Variants in LIMS2 observed in about 807,000 individuals in gnomAD.
LIMS2 encodes LIM zinc finger domain containing 2.
In LIMS2, 30 loss-of-function variants were observed where a neutral mutation model predicts 45.3. The ratio of observed to expected loss-of-function variants is 0.66; its 90% CI spans 0.50 to 0.90. The LOEUF (loss-of-function observed/expected upper bound fraction) is 0.90. Among genes scored for constraint, LIMS2 ranks in the 40% least tolerant of loss-of-function variants. LIMS2 has a pLI of 0.00. For missense variants in LIMS2, 485 were observed against 468.7 expected, an observed-to-expected ratio of 1.03 and a Z score of -0.32; for synonymous variants, 173 against 188.0, an observed-to-expected ratio of 0.92 and a Z score of 0.65.
chr2:127,650,542 T>G, intron 4 of LIMS2: 1 of 596,038 alleles, frequency 1.7e-6, no homozygotes, highest in East Asian at 2.8e-5. Context: ...AGAATGCCTC[T>G]GACGCTCACG....
Position 127,663,880 on chromosome 2 carries a change from G to T in LIMS2, c.12-6318C>A, listed in dbSNP as rs1270952357. Among the ~76,000 whole-genome samples the T allele has an allele frequency of 3.3e-5, 5 of 152,168 alleles. 1 individual carries two copies. The highest frequency in any genetic ancestry group is 4.1e-4 in the South Asian group (2 of 4,822). On this transcript the variant is annotated intron_variant, in intron 1 of 9. Coordinates refer to ENST00000355119, the MANE Select transcript of LIMS2 (RefSeq NM_001161403.3). Reference sequence around the variant, plus strand: ...CCAGAGCCAACTCATTCTCTGAGATGCCCTGAGGACCATCCTGAACCCCAC... The same window carrying T: ...CCAGAGCCAACTCATTCTCTGAGATTCCCTGAGGACCATCCTGAACCCCAC...
At chr2:127,658,879 C>T (rs1189606802) in intron 1 of LIMS2, among the ~76,000 whole-genome samples, 3 of 152,168 alleles carry the variant, frequency 2.0e-5, no homozygotes, top group Admixed American at 6.5e-5. Flanking sequence ...AATACCTCTC[C>T]GCCTGCTCTG....
At chr2:127,675,592 A>AC (rs898805836), upstream of LIMS2, among the ~76,000 whole-genome samples, 1 of 151,480 alleles carries the variant, frequency 6.6e-6, no homozygotes, top group Non-Finnish European at 1.5e-5. Context: ...GCGAACAAGC[A>AC]CCCCCACCCC....
intron 4 of LIMS2, chr2:127,648,189 AAGAAC>A: frequency 1.0e-6 from 1 of 985,428 alleles, no homozygotes; most frequent in Non-Finnish European, 1.2e-6. Flanking sequence ...ACATTGGACT[AAGAAC>A]AGACCCTGTT....
At chr2:127,679,833 GAGA>G (rs1685578423), upstream of LIMS2, among the ~76,000 whole-genome samples, 1 of 152,160 alleles carries the variant, frequency 6.6e-6, no homozygotes, top group South Asian at 2.1e-4. The surrounding 1 kb of genome is among the most constrained non-coding windows in gnomAD (Gnocchi z 5.3). Context: ...ACAGGGAATG[GAGA>G]AGGCCTTGCA....
At chr2:127,640,043 C>T in intron 9 of LIMS2, 27 bp downstream of exon 9, 1 of 1,610,010 alleles carries the variant, frequency 6.2e-7, no homozygotes, top group South Asian at 1.1e-5. Flanking sequence ...CCACCCTGAG[C>T]CCCATCCCAC....
chr2:127,639,367 G>T lies in LIMS2; in HGVS notation c.940C>A (p.Leu314Met), dbSNP rs1682159709. The change falls in exon 10 of 10, where the codon CTG becomes ATG. Residue 314 changes from leucine to methionine, a missense_variant. By Grantham distance (15) the Leu-to-Met change is conservative (BLOSUM62 2). Transcript: ENST00000355119. ...TTCTTCAGCCGCTTCTTCAGCTCCAGCGGGAACTTCTCGTAGCACCTCTTA... is the reference window on the plus strand; with the variant it reads ...TTCTTCAGCCGCTTCTTCAGCTCCATCGGGAACTTCTCGTAGCACCTCTTA... ...VCKRCYEKFPLELKKRLKKLS... is the reference protein window; with the variant it reads ...VCKRCYEKFPMELKKRLKKLS... 4 of 1,613,970 alleles carry T rather than the reference G, an allele frequency of 2.5e-6. No homozygotes were observed. Among genetic ancestry groups the T allele is most frequent in the South Asian group, 2.2e-5 (2 of 91,088 alleles).
intron 1 of LIMS2, among the ~76,000 whole-genome samples, chr2:127,666,093 G>A (rs1684984508): frequency 6.6e-6 from 1 of 152,064 alleles, no homozygotes; most frequent in South Asian, 2.1e-4. Context: ...ATGGGATTGG[G>A]AGCCACAGAT....
At chr2:127,640,492 C>A in intron 7 of LIMS2, 174 bp from the exon 8 acceptor site, 1 of 679,822 alleles carries the variant, frequency 1.5e-6, no homozygotes, top group South Asian at 1.8e-5. Context: ...TGAGAACCAC[C>A]CTTCCGGGAA....
In LIMS2 at chr2:127,671,160, GGTT is replaced by G. The variant is rs1685254193; in HGVS notation, c.11+3851_11+3853del. On this transcript the variant is annotated intron_variant, in intron 1 of 9. Transcript: ENST00000355119. The surrounding 1 kb of genome is among the most constrained non-coding windows in gnomAD (Gnocchi z 4.1). ...TTAAGCCTGCATGCAGGCTGGGCACGGTTGTTCACGCCTGTAATCACAGCACTT... is the reference window on the plus strand; with the variant it reads ...TTAAGCCTGCATGCAGGCTGGGCACGGTTCACGCCTGTAATCACAGCACTT... Among the ~76,000 whole-genome samples the G allele has an allele frequency of 1.3e-5, 2 of 152,282 alleles. No homozygotes were observed. Among genetic ancestry groups the G allele is most frequent in the South Asian group, 4.1e-4 (2 of 4,822 alleles).
chr2:127,674,434 A>T (rs1448462087), intron 1 of LIMS2: 1 of 174,148 alleles, frequency 5.7e-6, no homozygotes, highest in Non-Finnish European at 1.1e-5. Context: ...GTGAAATGGC[A>T]ACGAGGGGCC....
At chr2:127,641,059 G>GGGGACAACAGTGACCCC (rs1254735686) in intron 6 of LIMS2, 71 bp from the exon 7 acceptor site, 2 of 1,257,226 alleles carry the variant, frequency 1.6e-6, no homozygotes, top group Non-Finnish European at 2.3e-6. Flanking sequence ...GTGGTGACCC[G>GGGGACAACAGTGACCCC]GGGACAACAG....
chr2:127,661,934 T>C (rs796640843), intron 1 of LIMS2, among the ~76,000 whole-genome samples: 7 of 152,290 alleles, frequency 4.6e-5, no homozygotes, highest in African/African-American at 1.7e-4. Context: ...TTCTGTTTCT[T>C]CAACAACCCC....
intron 1 of LIMS2, among the ~76,000 whole-genome samples, chr2:127,657,774 G>A (rs994853789): frequency 6.6e-5 from 10 of 152,174 alleles, no homozygotes; most frequent in African/African-American, 2.2e-4. Flanking sequence ...CTCCCACTTG[G>A]GCCCCTATTA....
intron 1 of LIMS2, chr2:127,674,139 C>CTGT: frequency 5.9e-6 from 1 of 168,874 alleles, no homozygotes; most frequent in Non-Finnish European, 1.3e-5. Context: ...TGCCCTGTAC[C>CTGT]CTCCAAGCCC....
In LIMS2 at chr2:127,642,891, C is replaced by G; in HGVS notation, c.509+32G>C. 6.5e-7 allele frequency: 1 copy of G among 1,547,568 alleles called. No homozygotes were observed. Among genetic ancestry groups the G allele is most frequent in the South Asian group, 1.2e-5 (1 of 84,024 alleles). On this transcript the variant is annotated intron_variant, in intron 5 of 9. Transcript: ENST00000355119. This position sits in a 1 kb window ranked among gnomAD's most constrained non-coding sequence, Gnocchi z 5.3. ...CCTGGGCCAGCCCTGGCTCCCCGCCCCCACAACTGCAGGGCCGGGCTGCGC... is the reference window on the plus strand; with the variant it reads ...CCTGGGCCAGCCCTGGCTCCCCGCCGCCACAACTGCAGGGCCGGGCTGCGC...
In LIMS2 at chr2:127,671,032, C is replaced by A. The variant is rs1421008322; in HGVS notation, c.11+3982G>T. 2.0e-5 allele frequency among the ~76,000 whole-genome samples: 3 copies of A among 152,320 alleles called. No individual in the cohort carries two copies. On this transcript the variant is annotated intron_variant, in intron 1 of 9. Transcript: ENST00000355119. This position sits in a 1 kb window ranked among gnomAD's most constrained non-coding sequence, Gnocchi z 4.1. ...CTGCTAAGTCATCTAAGTAAATATT[C>A]ACCTTCAGAAATGTACACGCTACAC...
rs1433994872 is a variant in LIMS2, at chr2:127,647,334, A to G, written c.360-4262T>C. Among the ~76,000 whole-genome samples the G allele has an allele frequency of 2.0e-5, 3 of 152,140 alleles. No individual in the cohort carries two copies. The highest frequency in any genetic ancestry group is 4.4e-5 in the Non-Finnish European group (3 of 68,002). ...CACCCTGGCGGTCTTCCAGGGAGTG[A>G]GACCGTTTCCCCGGTCTCACTTCCA... On this transcript the variant is annotated intron_variant, in intron 4 of 9. Coordinates refer to ENST00000355119, the MANE Select transcript of LIMS2 (RefSeq NM_001161403.3). The surrounding 1 kb of genome is among the most constrained non-coding windows in gnomAD (Gnocchi z 4.3).
At chr2:127,657,342 AC>A in intron 2 of LIMS2, 60 bp downstream of exon 2, 1 of 1,600,252 alleles carries the variant, frequency 6.2e-7, no homozygotes, top group East Asian at 2.2e-5. Flanking sequence ...AGCCCGGCCC[AC>A]CCGCTCATAG....
Sources: allele counts gnomAD v4.1 joint callset (sites outside exome capture counted in the v4.1 genomes callset), GRCh38; gene constraint gnomAD v4.1.1; non-coding constraint Gnocchi (gnomAD v3.1); transcripts MANE v1.5; gene names NCBI Gene and HGNC (gene_info 2026-07-23, HGNC 2026-07-21).